DNAJC13: variants seen among roughly 807,000 people sequenced by gnomAD.
DNAJC13 encodes DnaJ heat shock protein family (Hsp40) member C13.
A neutral mutation model predicts 290.5 loss-of-function variants in DNAJC13; 75 were observed. The ratio of observed to expected loss-of-function variants is 0.26; its 90% CI spans 0.21 to 0.31. The LOEUF (loss-of-function observed/expected upper bound fraction) is 0.31. DNAJC13 is among the 10% of genes least tolerant of loss of function. DNAJC13 has a pLI of 1.00. For missense variants in DNAJC13, 2,260 were observed against 2,674.5 expected (o/e 0.85, Z 3.42); for synonymous variants, 862 against 892.0 (o/e 0.97, Z 0.60).
intron 55 of DNAJC13, among the ~76,000 whole-genome samples, chr3:132,534,205 G>A (rs149750338): frequency 6.6e-6 from 1 of 152,310 alleles, no homozygotes; most frequent in East Asian, 1.9e-4. Context: ...CATTACTGAA[G>A]CCTGCAGACG....
rs1935826409 is a variant in DNAJC13, at chr3:132,513,096, A to G, written c.5382A>G (p.Leu1794=). The G allele has an allele frequency of 6.2e-7, 1 of 1,612,928 alleles. No individual in the cohort carries two copies. The highest frequency in any genetic ancestry group is 8.5e-7 in the Non-Finnish European group (1 of 1,179,140). ...CTGGTCAAGTGCAGCAGTTGGCTTT[A>G]GAGGTAAAAGCGTTTTGTACTAAAG... ...HGAGQVQQLA[L]EVVNIVTSNQ... The change falls in exon 45 of 56, where the codon TTA becomes TTG. Residue 1794 remains leucine, a synonymous_variant. Coordinates refer to ENST00000260818, the MANE Select transcript of DNAJC13 (RefSeq NM_015268.4).
At chr3:132,441,487 T>A (rs182650155) in intron 2 of DNAJC13, among the ~76,000 whole-genome samples, 7 of 152,370 alleles carry the variant, frequency 4.6e-5, no homozygotes, top group African/African-American at 1.7e-4. Flanking sequence ...TAGCTCTGTT[T>A]GGCTTCTTTG....
Position 132,514,788 on chromosome 3 carries a change from A to G in DNAJC13, c.5485+118A>G, listed in dbSNP as rs78151333. ...CATCTATGTTTAGTTTTAAAGTGTT[A>G]TTTACACTAGATTTGTCTTCCTAAT... On this transcript the variant is annotated intron_variant, in intron 46 of 55. Transcript: ENST00000260818. 2.3e-3 allele frequency: 1,627 copies of G among 715,052 alleles called. 11 individuals carry two copies. The African/African-American group carries it at 0.026, about 11-fold the overall frequency. 44.3% of individuals were successfully genotyped at this position (715,052 alleles called of 1,614,324 possible).
intron 6 of DNAJC13, 75 bp downstream of exon 6, chr3:132,450,922 C>G: frequency 3.4e-6 from 3 of 881,920 alleles, no homozygotes; most frequent in Non-Finnish European, 5.0e-6. Context: ...GCTTTTTATA[C>G]TTCATTTTGA....
At chr3:132,510,871 C>A (rs1935756319) in intron 43 of DNAJC13, among the ~76,000 whole-genome samples, 196 bp from the exon 44 acceptor site, 1 of 152,108 alleles carries the variant, frequency 6.6e-6, no homozygotes, top group South Asian at 2.1e-4. Flanking sequence ...GGGAGTATAT[C>A]AGATCTCTGG....
intron 4 of DNAJC13, 113 bp from the exon 5 acceptor site, chr3:132,447,785 T>C: frequency 3.7e-6 from 3 of 816,602 alleles, no homozygotes; most frequent in Non-Finnish European, 6.1e-6. Context: ...AATAACAGTT[T>C]TTAGTGTCCA....
At chr3:132,485,656 A>C (rs1405946538) in intron 29 of DNAJC13, among the ~76,000 whole-genome samples, 1 of 152,198 alleles carries the variant, frequency 6.6e-6, no homozygotes, top group Non-Finnish European at 1.5e-5. Flanking sequence ...ACAGGGGTGG[A>C]CTTGGTGGTT....
At chr3:132,444,902 C>T (rs541083722) in intron 2 of DNAJC13, among the ~76,000 whole-genome samples, 2 of 152,082 alleles carry the variant, frequency 1.3e-5, no homozygotes, top group Non-Finnish European at 2.9e-5. Context: ...TCTCACTCCA[C>T]TTTAGACATG....
chr3:132,484,516 G>A (rs1934787152), intron 28 of DNAJC13, 72 bp from the exon 29 acceptor site: 3 of 1,391,632 alleles, frequency 2.2e-6, no homozygotes, highest in African/African-American at 2.8e-5. Flanking sequence ...ATGCCTAGTA[G>A]AATGTCGTAT....
chr3:132,509,929 C>T (rs1265673306), intron 43 of DNAJC13, among the ~76,000 whole-genome samples: 3 of 152,092 alleles, frequency 2.0e-5, no homozygotes, highest in East Asian at 3.8e-4. Context: ...AGAACTGAAC[C>T]CACACTATCT....
rs781132395 is a variant in DNAJC13 at position 132,484,692 on chromosome 3, T to C, written c.3267+20T>C. The C allele has an allele frequency of 6.3e-7, 1 of 1,576,314 alleles. No homozygotes were observed. Among genetic ancestry groups the C allele is most frequent in the Non-Finnish European group, 8.7e-7 (1 of 1,145,804 alleles). ...ATTCAGGTGAGTTATGTAATCAAAC[T>C]AGGAGCAATTTTAAGAATCATTTTC... is the stretch of plus-strand genomic sequence containing the variant. On this transcript the variant is annotated intron_variant, in intron 29 of 55. Transcript: ENST00000260818.
intron 1 of DNAJC13, among the ~76,000 whole-genome samples, chr3:132,427,075 A>ATGTGTGTGTG (rs10576541): frequency 1.4e-5 from 2 of 140,788 alleles, no homozygotes; most frequent in Non-Finnish European, 3.0e-5. Context: ...ATATATACAT[A>ATGTGTGTGTG]TGTGTGTGTG....
chr3:132,467,409 T>G, intron 20 of DNAJC13, 96 bp downstream of exon 20: 1 of 1,220,964 alleles, frequency 8.2e-7, no homozygotes, highest in Non-Finnish European at 1.1e-6. Flanking sequence ...GATACATTTC[T>G]TGCTGAATAC....
intron 53 of DNAJC13, 60 bp downstream of exon 53, chr3:132,526,341 T>C: frequency 3.1e-6 from 5 of 1,600,434 alleles, no homozygotes; most frequent in South Asian, 1.1e-5. Context: ...AGTAGATTTT[T>C]ACCTATTTGG....
intron 42 of DNAJC13, among the ~76,000 whole-genome samples, chr3:132,505,954 A>G (rs1381861356): frequency 6.6e-6 from 1 of 151,232 alleles, no homozygotes; most frequent in Non-Finnish European, 1.5e-5. Flanking sequence ...TTTTGAGCTC[A>G]TTCCATGTTA....
At chr3:132,453,914 A>T (rs1487288531) in intron 8 of DNAJC13, 152 bp from the exon 9 acceptor site, 1 of 768,546 alleles carries the variant, frequency 1.3e-6, no homozygotes, top group Admixed American at 3.3e-5. Flanking sequence ...CTCAACTGAA[A>T]ATTTGAGATT....
chr3:132,523,774 C>T, intron 51 of DNAJC13, 61 bp downstream of exon 51: 1 of 1,482,698 alleles, frequency 6.7e-7, no homozygotes, highest in Non-Finnish European at 9.1e-7. Context: ...GATGGTGTTT[C>T]TCTTACAACC....
intron 29 of DNAJC13, among the ~76,000 whole-genome samples, chr3:132,487,579 T>TTTTTTTTTTTTTTTTTTTTTTTTTTTTA (rs397818337): frequency 6.7e-6 from 1 of 150,336 alleles, no homozygotes; most frequent in African/African-American, 2.5e-5. Context: ...TTTTTTTTTT[T>TTTTTTTTTTTTTTTTTTTTTTTTTTTTA]ACTGGGAGCA....
chr3:132,462,598 C>A (rs1933835205), intron 16 of DNAJC13, 75 bp downstream of exon 16: 3 of 1,021,244 alleles, frequency 2.9e-6, no homozygotes, highest in Non-Finnish European at 4.3e-6. Flanking sequence ...GACAATATTG[C>A]CTTTCAGTCT....
Sources: gnomAD v4.1 joint callset for allele counts (sites outside exome capture counted in the v4.1 genomes callset) on GRCh38, gnomAD v4.1.1 for gene constraint, MANE v1.5 for transcripts, NCBI Gene and HGNC (gene_info 2026-07-23, HGNC 2026-07-21) for gene names.